UBE3B: variants seen among roughly 807,000 people sequenced by gnomAD.
UBE3B encodes the protein ubiquitin-protein ligase E3B.
A neutral mutation model predicts 132.3 loss-of-function variants in UBE3B; 80 were observed. That is an observed-to-expected ratio of 0.60 (90% CI 0.50 to 0.73). The LOEUF (loss-of-function observed/expected upper bound fraction) is 0.73. Ranked by LOEUF, UBE3B falls within the 30% of genes least tolerant of loss-of-function variation. The pLI, the probability that UBE3B is intolerant of heterozygous loss-of-function variation, is 0.00. For missense variants in UBE3B, 1,196 were observed against 1,362.5 expected (o/e 0.88, Z 1.92); for synonymous variants, 487 against 520.4 (o/e 0.94, Z 0.87).
rs1260220803 is a variant in UBE3B, at chr12:109,503,051, G to A, written c.1311G>A (p.Ser437=). Residue 437 remains serine, a synonymous_variant, in exon 14 of 28, where the codon TCG becomes TCA. Transcript: ENST00000342494. ...KSLLKRAFQK[S]ASVRNILRPV... ...TCCTAAAGCGTGCTTTTCAAAAGTC[G>A]GCATCAGTCCGGAATATTCTCAGGC... 8.1e-6 allele frequency: 13 copies of A among 1,614,012 alleles called. No individual in the cohort carries two copies. Among genetic ancestry groups the A allele is most frequent in the East Asian group, 6.7e-5 (3 of 44,906 alleles).
chr12:109,521,126 G>A lies in UBE3B; in HGVS notation c.2077-22G>A, dbSNP rs1592954372. The A allele has an allele frequency of 6.2e-7, 1 of 1,612,900 alleles. No homozygotes were observed. Among genetic ancestry groups the A allele is most frequent in the East Asian group, 2.2e-5 (1 of 44,838 alleles). On this transcript the variant is annotated intron_variant, in intron 19 of 27. Coordinates refer to ENST00000342494, the MANE Select transcript of UBE3B (RefSeq NM_130466.4). The surrounding 1 kb of genome is among the most constrained non-coding windows in gnomAD (Gnocchi z 4.2). ...CATAAGGCTTTGGGCTTCCTAATGGGCTGTAATTCTGCTCTTGGCAGGACG... is the reference window on the plus strand; with the variant it reads ...CATAAGGCTTTGGGCTTCCTAATGGACTGTAATTCTGCTCTTGGCAGGACG...
intron 9 of UBE3B, among the ~76,000 whole-genome samples, chr12:109,494,758 G>A (rs553178742): frequency 5.3e-5 from 8 of 152,104 alleles, no homozygotes; most frequent in African/African-American, 1.7e-4. Flanking sequence ...GGCCTCATGC[G>A]GACTAAAAAG....
chr12:109,492,444 T>G (rs1285526984), intron 9 of UBE3B: 2 of 146,170 alleles, frequency 1.4e-5, no homozygotes, highest in Non-Finnish European at 3.1e-5. Context: ...AGAGCCACAT[T>G]TAAAAAGCCA....
At chr12:109,525,764 C>T (rs867098678) in intron 23 of UBE3B, among the ~76,000 whole-genome samples, 8 of 152,098 alleles carry the variant, frequency 5.3e-5, no homozygotes, top group Middle Eastern at 6.8e-3. Flanking sequence ...AAAATTAGCT[C>T]TAATATGAGC....
chr12:109,516,066 A>C (rs1198114808), intron 18 of UBE3B, among the ~76,000 whole-genome samples: 1 of 152,140 alleles, frequency 6.6e-6, no homozygotes, highest in Non-Finnish European at 1.5e-5. Context: ...CCCTTAAAGC[A>C]GGCACAGCTA....
At chr12:109,478,713 G>A (rs1442404424) in intron 1 of UBE3B, among the ~76,000 whole-genome samples, 2 of 152,208 alleles carry the variant, frequency 1.3e-5, no homozygotes, top group Non-Finnish European at 2.9e-5. Context: ...CCTGGGAGGC[G>A]GAGGTTGCAG....
intron 19 of UBE3B, among the ~76,000 whole-genome samples, chr12:109,517,612 GC>G (rs1276989249): frequency 9.2e-5 from 14 of 152,194 alleles, no homozygotes; most frequent in Admixed American, 9.2e-4. Context: ...ATAGTGCACA[GC>G]CTACCCATAC....
At chr12:109,533,984 T>C in intron 27 of UBE3B, 1 of 1,298,580 alleles carries the variant, frequency 7.7e-7, no homozygotes, top group Non-Finnish European at 1.0e-6. Flanking sequence ...CATTTCCTCA[T>C]TGGCCAAAGG....
chr12:109,504,004 T>G (rs529318790), intron 14 of UBE3B, among the ~76,000 whole-genome samples: 3 of 152,368 alleles, frequency 2.0e-5, no homozygotes, highest in Admixed American at 6.5e-5. Context: ...GAGAGCCAAG[T>G]TCTTCGTTCT....
rs1047199779 is a variant in UBE3B, at chr12:109,521,599, A to T, written c.2364+48A>T. ...AAATGTAAAATAAAATGTTAACGGT[A>T]CCATGGGCTTCTTCACATACACATA... On this transcript the variant is annotated intron_variant, in intron 21 of 27. Coordinates refer to ENST00000342494, the MANE Select transcript of UBE3B (RefSeq NM_130466.4). This position sits in a 1 kb window ranked among gnomAD's most constrained non-coding sequence, Gnocchi z 4.2. 1 of 1,479,580 alleles carries T rather than the reference A, an allele frequency of 6.8e-7. No homozygotes were observed. The highest frequency in any genetic ancestry group is 1.4e-5 in the African/African-American group (1 of 71,190). The allele number at this position is 1,479,580 out of a possible 1,614,324, so 91.7% of individuals were successfully genotyped here.
At chr12:109,547,760 ACCCCAGGTT>A in the UBE3B span, among the ~76,000 whole-genome samples, 1 of 151,892 alleles carries the variant, frequency 6.6e-6, no homozygotes, top group African/African-American at 2.4e-5. This position sits in a 1 kb window ranked among gnomAD's most constrained non-coding sequence, Gnocchi z 4.1. Context: ...TTCCTGAGGC[ACCCCAGGTT>A]CCCCACGGTG....
rs1013100968 is a variant in UBE3B, at chr12:109,509,654, G to A, written c.1681G>A (p.Val561Ile). ...EQISFKLEELVTISSFLNSFV... is the reference protein window; with the variant it reads ...EQISFKLEELITISSFLNSFV... ...GATTTCATTCAAACTGGAAGAGCTG[G>A]TCACTATCTCCTCTTTCCTGAATTC... The change falls in exon 16 of 28, where the codon GTC becomes ATC. Residue 561 changes from valine (V) to isoleucine (I), a missense_variant. Physicochemically the swap from Val to Ile is conservative, Grantham distance 29. Transcript: ENST00000342494. 2 of 1,611,672 alleles carry A rather than the reference G, an allele frequency of 1.2e-6. No homozygotes were observed. Among genetic ancestry groups the A allele is most frequent in the South Asian group, 1.1e-5 (1 of 90,342 alleles).
chr12:109,530,484 G>C, intron 25 of UBE3B, 63 bp from the exon 26 acceptor site: 1 of 1,429,926 alleles, frequency 7.0e-7, no homozygotes, highest in Non-Finnish European at 9.8e-7. Flanking sequence ...TGCATGACCT[G>C]CCTGCCTGTC....
Position 109,501,381 on chromosome 12 carries a change from T to A in UBE3B, c.1129T>A (p.Ser377Thr). 1 of 1,614,008 alleles carries A rather than the reference T, an allele frequency of 6.2e-7. No homozygotes were observed. The highest frequency in any genetic ancestry group is 8.5e-7 in the Non-Finnish European group (1 of 1,180,002). ...SQSVDYGLNE[S>T]MHLITKQLQF... is the part of the protein sequence containing the mutation. The stretch of plus-strand genomic sequence containing the variant: ...TCTGCTCTCTCCTAGCCTTAACGAG[T>A]CAATGCACTTGATCACCAAACAGCT... Residue 377 changes from serine (S) to threonine (T), a missense_variant, in exon 13 of 28, where the codon TCA (serine) becomes ACA (threonine). Transcript: ENST00000342494.
At chr12:109,527,424 G>T (rs1208090454) in intron 24 of UBE3B, among the ~76,000 whole-genome samples, 1 of 152,152 alleles carries the variant, frequency 6.6e-6, no homozygotes, top group East Asian at 1.9e-4. Context: ...GTTAATTGGA[G>T]CATCAGTCTC....
At chr12:109,505,364 T>C (rs1202314457) in intron 14 of UBE3B, among the ~76,000 whole-genome samples, 1 of 152,232 alleles carries the variant, frequency 6.6e-6, no homozygotes, top group African/African-American at 2.4e-5. Flanking sequence ...TCTAAATGGC[T>C]AGATATGCAG....
chr12:109,480,107 G>T (rs1875109970), intron 1 of UBE3B, among the ~76,000 whole-genome samples: 2 of 151,952 alleles, frequency 1.3e-5, no homozygotes. Flanking sequence ...AAAAGTTAAT[G>T]GGTGAGAAAT....
At chr12:109,512,217 A>G (rs1219830616) in intron 18 of UBE3B, among the ~76,000 whole-genome samples, 2 of 152,188 alleles carry the variant, frequency 1.3e-5, no homozygotes, top group African/African-American at 2.4e-5. Context: ...TCAGGGAATC[A>G]GACAGCACCC....
intron 15 of UBE3B, chr12:109,508,424 C>A: frequency 1.1e-5 from 8 of 747,800 alleles, no homozygotes; most frequent in Non-Finnish European, 1.3e-5. Context: ...CAGTGCCTGG[C>A]ACAGAGTGGG....
Sources: allele counts gnomAD v4.1 joint callset (sites outside exome capture counted in the v4.1 genomes callset), GRCh38; gene constraint gnomAD v4.1.1; non-coding constraint Gnocchi (gnomAD v3.1); transcripts MANE v1.5; gene names NCBI Gene and HGNC (gene_info 2026-07-23, HGNC 2026-07-21).